DGKI: variants seen among roughly 807,000 people sequenced by gnomAD.
DGKI encodes the protein diacylglycerol kinase iota.
Under a neutral mutation model 147.5 loss-of-function variants are expected in DGKI, and 55 were observed. That is an observed-to-expected ratio of 0.37 (90% CI 0.30 to 0.47). The LOEUF is 0.47. Among genes scored for constraint, DGKI ranks in the 20% least tolerant of loss-of-function variants. The pLI, the probability that DGKI is intolerant of heterozygous loss-of-function variation, is 1.00. For synonymous variants in DGKI, 469 were observed against 477.1 expected, an observed-to-expected ratio of 0.98 and a Z score of 0.22; for missense variants, 1,007 against 1,323.8, an observed-to-expected ratio of 0.76 and a Z score of 3.71.
intron 17 of DGKI, among the ~76,000 whole-genome samples, chr7:137,574,690 T>C (rs1026669975): frequency 1.3e-5 from 2 of 152,288 alleles, no homozygotes; most frequent in East Asian, 1.9e-4. Flanking sequence ...TTTTCAACTT[T>C]TTCCCAACTT....
chr7:137,675,628 TGAG>T (rs1823005937), intron 3 of DGKI, among the ~76,000 whole-genome samples: 1 of 140,378 alleles, frequency 7.1e-6, no homozygotes, highest in African/African-American at 2.7e-5. Flanking sequence ...GAGGTTGCAG[TGAG>T]CCGAGATCAC....
intron 28 of DGKI, among the ~76,000 whole-genome samples, chr7:137,434,774 G>A (rs1048151041): frequency 4.8e-4 from 73 of 152,182 alleles, no homozygotes; most frequent in African/African-American, 1.6e-3. Flanking sequence ...AGTAGGGTCA[G>A]GACACATAGA....
At chr7:137,595,491 T>G (rs1399543254) in intron 12 of DGKI, among the ~76,000 whole-genome samples, 2 of 152,224 alleles carry the variant, frequency 1.3e-5, no homozygotes, top group South Asian at 2.1e-4. Context: ...CAGAACAGAC[T>G]GGTGGCTGTC....
intron 1 of DGKI, among the ~76,000 whole-genome samples, chr7:137,816,518 C>T (rs955375654): frequency 2.0e-5 from 3 of 152,206 alleles, no homozygotes; most frequent in African/African-American, 4.8e-5. Context: ...CCACTCAGAA[C>T]ACCCATATAT....
intron 20 of DGKI, among the ~76,000 whole-genome samples, chr7:137,530,329 C>T (rs1347254526): frequency 6.6e-6 from 1 of 152,116 alleles, no homozygotes; most frequent in East Asian, 1.9e-4. Flanking sequence ...CTCCTTCTTT[C>T]TCTCTGCTGC....
intron 8 of DGKI, among the ~76,000 whole-genome samples, chr7:137,610,531 A>G (rs1820329330): frequency 6.6e-6 from 1 of 152,242 alleles, no homozygotes; most frequent in Non-Finnish European, 1.5e-5. Flanking sequence ...TGGAGAGTCA[A>G]TGATTAATTA....
At chr7:137,689,839 G>A in intron 2 of DGKI, 55 bp downstream of exon 2, 2 of 1,230,360 alleles carry the variant, frequency 1.6e-6, no homozygotes, top group Non-Finnish European at 2.2e-6. Context: ...TCCTGAGAAT[G>A]AGAGACACAA....
chr7:137,479,242 AT>A (rs1349550487), intron 23 of DGKI, among the ~76,000 whole-genome samples: 1 of 152,182 alleles, frequency 6.6e-6, no homozygotes, highest in African/African-American at 2.4e-5. Flanking sequence ...GCTCCTTTCT[AT>A]TTTAAATATA....
chr7:137,488,125 G>A (rs563091775), intron 21 of DGKI, among the ~76,000 whole-genome samples: 2 of 152,210 alleles, frequency 1.3e-5, no homozygotes, highest in South Asian at 2.1e-4. Context: ...GAGGATTCTG[G>A]ACACTTACTC....
chr7:137,756,050 T>C (rs1795668125), intron 1 of DGKI, among the ~76,000 whole-genome samples: 1 of 152,194 alleles, frequency 6.6e-6, no homozygotes, highest in African/African-American at 2.4e-5. Flanking sequence ...AGTTCTTCCT[T>C]ATGCAGTCAT....
intron 5 of DGKI, 57 bp downstream of exon 5, chr7:137,654,675 C>T (rs902110688): frequency 2.3e-5 from 27 of 1,194,404 alleles, no homozygotes; most frequent in African/African-American, 6.0e-5. Context: ...TCTATGAATC[C>T]ACTGAATCAA....
In DGKI at chr7:137,432,179, C is replaced by T. The variant is rs546704629; in HGVS notation, c.2761+11898G>A. ...CTCCCCATCGATGCGTCCTGTATAG[C>T]CTGTGGAACCATGAGCCAATGAAAC... On this transcript the variant is annotated intron_variant, in intron 28 of 32. Coordinates refer to ENST00000614521, the MANE Select transcript of DGKI (RefSeq NM_001321708.2). Among the ~76,000 whole-genome samples the T allele has an allele frequency of 2.2e-4, 33 of 152,302 alleles. No individual in the cohort carries two copies. The South Asian group carries it at 5.2e-3, about 24-fold the overall frequency.
intron 1 of DGKI, among the ~76,000 whole-genome samples, chr7:137,773,923 T>C (rs1796286032): frequency 6.6e-6 from 1 of 152,206 alleles, no homozygotes; most frequent in African/African-American, 2.4e-5. Flanking sequence ...TGCCTGACTC[T>C]AAATCCATGC....
At position 137,382,796 on chromosome 7, in the gene DGKI, T is replaced by G. The variant is rs1456969670; in HGVS notation, c.*8424A>C. 6.6e-6 allele frequency: 1 copy of G among 152,022 alleles called. No individual in the cohort carries two copies. Among genetic ancestry groups the G allele is most frequent in the Non-Finnish European group, 1.5e-5 (1 of 67,974 alleles). The allele number at this position is 152,022 out of a possible 1,614,324, so 9.4% of individuals were successfully genotyped here. A position where few individuals can be genotyped will look rare whatever the true frequency, so the allele number is the denominator to read the frequency against. On this transcript the variant is annotated 3_prime_UTR_variant, in exon 33 of 33. Transcript: ENST00000614521. ...AAGAAGGTGGAGTAGAAGCAGGTCTTTTCTGCAAGACTCTGGATATGGATT... is the reference window on the plus strand; with the variant it reads ...AAGAAGGTGGAGTAGAAGCAGGTCTGTTCTGCAAGACTCTGGATATGGATT...
intron 27 of DGKI, among the ~76,000 whole-genome samples, chr7:137,455,782 C>A (rs745345140): frequency 1.3e-5 from 2 of 151,932 alleles, no homozygotes; most frequent in Non-Finnish European, 2.9e-5. Context: ...AAGTCCCATG[C>A]CCGATATGAC....
chr7:137,496,109 G>C (rs764439713), intron 21 of DGKI, among the ~76,000 whole-genome samples: 1 of 152,020 alleles, frequency 6.6e-6, no homozygotes, highest in Non-Finnish European at 1.5e-5. Context: ...CTTCAGTAAA[G>C]TTTCAGGATA....
intron 23 of DGKI, among the ~76,000 whole-genome samples, chr7:137,482,247 A>T (rs963564794): frequency 2.0e-5 from 3 of 151,572 alleles, no homozygotes; most frequent in African/African-American, 7.3e-5. Context: ...AATACATTTC[A>T]CTCTTGGCTT....
chr7:137,846,964 C>A lies in DGKI; in HGVS notation c.-102G>T. ...CCCCGCCTCCCGCGCCCTCCCGCGC[C>A]GGCCCGCACCCTCCAGCCCCGCCGG... On this transcript the variant is annotated 5_prime_UTR_variant, in exon 1 of 33. Transcript: ENST00000614521. The surrounding 1 kb of genome is among the most constrained non-coding windows in gnomAD (Gnocchi z 4.0). The A allele has an allele frequency of 1.1e-6, 1 of 909,300 alleles. No homozygotes were observed. Among genetic ancestry groups the A allele is most frequent in the Non-Finnish European group, 1.3e-6 (1 of 751,012 alleles). The allele number at this position is 909,300 out of a possible 1,614,324, so 56.3% of individuals were successfully genotyped here. A position where few individuals can be genotyped will look rare whatever the true frequency, so the allele number is the denominator to read the frequency against.
chr7:137,760,732 G>T (rs571675324), intron 1 of DGKI, among the ~76,000 whole-genome samples: 2 of 152,080 alleles, frequency 1.3e-5, no homozygotes, highest in Non-Finnish European at 2.9e-5. Flanking sequence ...TTATTAGATG[G>T]GTCTGCTGAG....
Sources: allele counts gnomAD v4.1 joint callset (sites outside exome capture counted in the v4.1 genomes callset), GRCh38; gene constraint gnomAD v4.1.1; non-coding constraint Gnocchi (gnomAD v3.1); transcripts MANE v1.5; gene names NCBI Gene and HGNC (gene_info 2026-07-23, HGNC 2026-07-21).